The following CREBBP variants were observed in gnomAD, a reference collection of about 807,000 sequenced individuals.
CREBBP encodes the protein CREB binding lysine acetyltransferase.
A neutral mutation model predicts 265.0 loss-of-function variants in CREBBP; 19 were observed. That is an observed-to-expected ratio of 0.07 (90% CI 0.05 to 0.11). CREBBP has a LOEUF of 0.11. CREBBP is among the 10% of genes least tolerant of loss of function. The pLI is 1.00. For missense variants in CREBBP, 2,525 were observed against 3,219.0 expected (o/e 0.78, Z 5.22); for synonymous variants, 1,457 against 1,223.7 (o/e 1.19, Z -3.98).
intron 27 of CREBBP, 46 bp from the exon 28 acceptor site, chr16:3,736,249 G>T (rs1555472983): frequency 1.3e-6 from 2 of 1,592,322 alleles, no homozygotes; most frequent in Non-Finnish European, 1.7e-6. Context: ...ATGCACGCGT[G>T]CCCCCCACCA....
chr16:3,874,034 C>T (rs1171977344), intron 1 of CREBBP, among the ~76,000 whole-genome samples: 1 of 152,082 alleles, frequency 6.6e-6, no homozygotes, highest in Non-Finnish European at 1.5e-5. Context: ...CTTCTGGTGT[C>T]ACAGGAAGGG....
At chr16:3,747,846 T>C (rs551354492) in intron 21 of CREBBP, among the ~76,000 whole-genome samples, 6 of 152,190 alleles carry the variant, frequency 3.9e-5, no homozygotes, top group Non-Finnish European at 7.4e-5. Flanking sequence ...TCCCAGCACC[T>C]TGAGAGGCCG....
At chr16:3,813,596 AAT>A (rs1457639533) in intron 2 of CREBBP, among the ~76,000 whole-genome samples, 1 of 152,176 alleles carries the variant, frequency 6.6e-6, no homozygotes, top group Non-Finnish European at 1.5e-5. Context: ...AACAACAAAA[AAT>A]ATAGTTTTTT....
At chr16:3,732,925 C>A (rs2051955059) in intron 28 of CREBBP, among the ~76,000 whole-genome samples, 1 of 152,018 alleles carries the variant, frequency 6.6e-6, no homozygotes, top group Non-Finnish European at 1.5e-5. Flanking sequence ...GCCTTGAACT[C>A]CGGACCTCGG....
In CREBBP at chr16:3,782,934, G is replaced by A. The variant is rs375713148; in HGVS notation, c.1331-8C>T. ...CTGGAGACCCCAGGATGGCTATAAC[G>A]ACAAACAGACAGACAGACAAAAACG... On this transcript the variant is annotated splice_polypyrimidine_tract_variant and splice_region_variant and intron_variant, in intron 5 of 30. Coordinates refer to ENST00000262367, the MANE Select transcript of CREBBP (RefSeq NM_004380.3). The A allele has an allele frequency of 1.5e-5, 24 of 1,614,052 alleles. No individual in the cohort carries two copies. Among genetic ancestry groups the A allele is most frequent in the South Asian group, 4.4e-5 (4 of 91,026 alleles).
intron 2 of CREBBP, among the ~76,000 whole-genome samples, chr16:3,838,231 G>A (rs147272305): frequency 7.2e-5 from 11 of 152,268 alleles, no homozygotes; most frequent in Non-Finnish European, 1.2e-4. Context: ...TTGTGGCACC[G>A]TGTTACAACT....
intron 25 of CREBBP, 74 bp from the exon 26 acceptor site, chr16:3,738,746 C>T (rs62037855): frequency 5.2e-6 from 5 of 963,318 alleles, no homozygotes; most frequent in Non-Finnish European, 8.2e-6. Context: ...ACAAACAACA[C>T]CCTGGAAGTT....
chr16:3,792,558 T>A (rs942069466), intron 4 of CREBBP, among the ~76,000 whole-genome samples: 3 of 152,102 alleles, frequency 2.0e-5, no homozygotes, highest in African/African-American at 7.2e-5. Flanking sequence ...GGTGAAGAAG[T>A]ACTCGAGAGG....
chr16:3,779,848 C>A (rs1164212348), intron 8 of CREBBP, among the ~76,000 whole-genome samples: 1 of 152,004 alleles, frequency 6.6e-6, no homozygotes, highest in Non-Finnish European at 1.5e-5. Flanking sequence ...GTGGCTCATG[C>A]CACCCAGCAC....
chr16:3,728,471 C>A lies in CREBBP; in HGVS notation c.6576G>T (p.Met2192Ile), dbSNP rs755864452. ...MASMNPQYRE[M>I]LRRQLLQQQQ... ...GCTGCTGCAGCAGCTGCCTCCGTAA[C>A]ATTTCTCGGTACTGTGGATTCATAC... Residue 2192 changes from methionine (M) to isoleucine (I), a missense_variant, in exon 31 of 31, where the codon ATG (methionine) becomes ATT (isoleucine). Coordinates refer to ENST00000262367, the MANE Select transcript of CREBBP (RefSeq NM_004380.3). The surrounding 1 kb of genome is among the most constrained non-coding windows in gnomAD (Gnocchi z 8.7). 6.2e-7 allele frequency: 1 copy of A among 1,614,034 alleles called. No homozygotes were observed. The highest frequency in any genetic ancestry group is 8.5e-7 in the Non-Finnish European group (1 of 1,179,998).
chr16:3,753,316 G>A (rs2052516837), intron 19 of CREBBP, among the ~76,000 whole-genome samples: 1 of 152,180 alleles, frequency 6.6e-6, no homozygotes, highest in Non-Finnish European at 1.5e-5. Flanking sequence ...CATTTTGTCT[G>A]TTGTATTTCA....
At position 3,850,329 on chromosome 16, in the gene CREBBP, G is replaced by C. The variant is rs755189683; in HGVS notation, c.766C>G (p.Leu256Val). The C allele has an allele frequency of 6.2e-7, 1 of 1,614,124 alleles. No individual in the cohort carries two copies. The highest frequency in any genetic ancestry group is 1.3e-5 in the African/African-American group (1 of 74,944). The change falls in exon 2 of 31, where the codon CTG becomes GTG. Residue 256 changes from leucine (L) to valine (V), a missense_variant. By Grantham distance (32) the Leu-to-Val change is conservative. Transcript: ENST00000262367. ...ATGCCTCCTGCCTGTGCGGTGTTCAGTCCCGCGTGACCAGTCATTTGCGGG... is the reference window on the plus strand; with the variant it reads ...ATGCCTCCTGCCTGTGCGGTGTTCACTCCCGCGTGACCAGTCATTTGCGGG... ...VSPQMTGHAG[L>V]NTAQAGGMAK...
At chr16:3,772,532 GC>G (rs1266866715) in intron 13 of CREBBP, among the ~76,000 whole-genome samples, 8 of 152,144 alleles carry the variant, frequency 5.3e-5, no homozygotes, top group African/African-American at 1.9e-4. Flanking sequence ...TGTAAATAAA[GC>G]TTTATTGGCA....
chr16:3,787,943 G>C (rs1247933682), intron 5 of CREBBP, among the ~76,000 whole-genome samples: 1 of 152,204 alleles, frequency 6.6e-6, no homozygotes, highest in African/African-American at 2.4e-5. Flanking sequence ...CTCCCAAAGT[G>C]CAAGGATTAC....
chr16:3,868,452 C>T (rs1246717361), intron 1 of CREBBP, among the ~76,000 whole-genome samples: 1 of 128,912 alleles, frequency 7.8e-6, no homozygotes, highest in Admixed American at 7.4e-5. Flanking sequence ...CTTGAAAAAG[C>T]TAATCTAGAC....
intron 3 of CREBBP, among the ~76,000 whole-genome samples, chr16:3,809,410 T>C (rs1170888179): frequency 4.6e-5 from 7 of 151,952 alleles, no homozygotes; most frequent in Admixed American, 6.6e-5. Context: ...ACTCCTGACC[T>C]AGTGATCCAC....
intron 16 of CREBBP, among the ~76,000 whole-genome samples, chr16:3,764,977 T>C (rs1289371668): frequency 1.3e-5 from 2 of 151,980 alleles, no homozygotes; most frequent in Non-Finnish European, 2.9e-5. Flanking sequence ...TGTTTTGTTT[T>C]TGTTTTTGTT....
rs773793031 is a variant in CREBBP, at chr16:3,728,810, G to A, written c.6237C>T (p.Ser2079=). ...DLLRTLKSPS[S]PQQQQQVLNI... is the part of the protein sequence containing the mutation. ...TCAGCACCTGCTGTTGCTGCTGAGG[G>A]GAGCTGGGCGACTTCAGGGTCCGCA... Residue 2079 remains serine (S), a synonymous_variant, in exon 31 of 31, where the codon TCC becomes TCT. Coordinates refer to ENST00000262367, the MANE Select transcript of CREBBP (RefSeq NM_004380.3). This position sits in a 1 kb window ranked among gnomAD's most constrained non-coding sequence, Gnocchi z 8.7. 1.9e-6 allele frequency: 3 copies of A among 1,613,556 alleles called. No homozygotes were observed. The highest frequency in any genetic ancestry group is 1.7e-6 in the Non-Finnish European group (2 of 1,180,012).
chr16:3,809,918 G>C (rs897849011), intron 3 of CREBBP, among the ~76,000 whole-genome samples: 1 of 152,054 alleles, frequency 6.6e-6, no homozygotes, highest in East Asian at 1.9e-4. Flanking sequence ...CCACCACCAA[G>C]AGCACACCAG....
Sources: allele counts gnomAD v4.1 joint callset (sites outside exome capture counted in the v4.1 genomes callset), GRCh38; gene constraint gnomAD v4.1.1; non-coding constraint Gnocchi (gnomAD v3.1); transcripts MANE v1.5; gene names NCBI Gene and HGNC (gene_info 2026-07-23, HGNC 2026-07-21).